Variants in TOP1MT observed in about 807,000 individuals in gnomAD.
TOP1MT encodes the protein DNA topoisomerase I, mitochondrial.
Under a neutral mutation model 73.9 loss-of-function variants are expected in TOP1MT, and 80 were observed. That is an observed-to-expected ratio of 1.08 (90% CI 0.90 to 1.30). The LOEUF is 1.30. TOP1MT is among the 50% of genes most tolerant of loss of function. The probability of loss-of-function intolerance (pLI) is 0.00; values close to 1 mark genes in which losing one functional copy is unlikely to be tolerated. For missense variants in TOP1MT, 815 were observed against 808.0 expected (o/e 1.01, Z -0.10); for synonymous variants, 338 against 326.4 (o/e 1.04, Z -0.38).
At chr8:143,358,071 C>A (rs112567737), upstream of TOP1MT, among the ~76,000 whole-genome samples, 7 of 152,224 alleles carry the variant, frequency 4.6e-5, no homozygotes, top group African/African-American at 1.7e-4. Flanking sequence ...GGTGACACAG[C>A]AAGACTCTGT....
At chr8:143,334,942 C>T, upstream of TOP1MT, 1 of 1,227,152 alleles carries the variant, frequency 8.1e-7, no homozygotes. Context: ...GCCAGCCCCG[C>T]CCCCGAGCGC....
chr8:143,324,141 C>A lies in TOP1MT; in HGVS notation c.818G>T (p.Gly273Val), dbSNP rs988812844. 6.2e-7 allele frequency: 1 copy of A among 1,613,050 alleles called. No individual in the cohort carries two copies. Residue 273 changes from glycine (G) to valine (V), a missense_variant and splice_region_variant, in exon 7 of 14, where the codon GGG (glycine) becomes GTG (valine). Coordinates refer to ENST00000329245, the MANE Select transcript of TOP1MT (RefSeq NM_052963.3). ...IMLNPCSKLK[G>V]ETAWQKFETA... ...TTCAAACTTCTGCCAAGCTGTCTCC[C>A]CCTAAACGAAGAAAATAACAGGAAA...
At chr8:143,334,556 G>T (rs576170111) in intron 1 of TOP1MT, among the ~76,000 whole-genome samples, 184 bp downstream of exon 1, 1 of 152,372 alleles carries the variant, frequency 6.6e-6, no homozygotes, top group Admixed American at 6.5e-5. Flanking sequence ...CGTCATGGGG[G>T]GGCCTGTACA....
rs1212964736 is a variant in TOP1MT, at chr8:143,342,772, T to C, written c.29+448A>G. Among the ~76,000 whole-genome samples the C allele has an allele frequency of 1.6e-3, 81 of 49,864 alleles. 9 individuals carry two copies. The highest frequency in any genetic ancestry group is 3.4e-3 in the Non-Finnish European group (59 of 17,488). The allele number at this position is 49,864 out of a possible 152,430, so 32.7% of individuals were successfully genotyped here. On this transcript the variant is annotated intron_variant, in intron 2 of 5. Coordinates refer to the TOP1MT transcript ENST00000518007. The stretch of plus-strand genomic sequence containing the variant: ...GTTATTATTATTAGAGACAGAGTCT[T>C]GCTCTATTATTATTATTATTATTAT...
chr8:143,346,953 CTTTATTTATTTA>C (rs61391831), upstream of TOP1MT, among the ~76,000 whole-genome samples: 615 of 140,924 alleles, frequency 4.4e-3, 3 homozygotes, highest in Admixed American at 8.4e-3. Context: ...AGCCTCACTT[CTTTATTTATTTA>C]TTTATTTATT....
chr8:143,325,621 CTCTG>C (rs1816686809), intron 4 of TOP1MT, 88 bp from the exon 5 acceptor site: 4 of 1,256,228 alleles, frequency 3.2e-6, no homozygotes. Context: ...GACCACCCTG[CTCTG>C]TCTGGCTAAC....
chr8:143,325,121 A>C (rs548112404), intron 5 of TOP1MT, among the ~76,000 whole-genome samples: 147 of 152,326 alleles, frequency 9.7e-4, no homozygotes, highest in African/African-American at 3.5e-3. Flanking sequence ...TGGCGGGAGA[A>C]AGTCTCAGCC....
Position 143,317,804 on chromosome 8 carries a change from T to C in TOP1MT, c.1249A>G (p.Met417Val). Residue 417 changes from methionine to valine, a missense_variant, in exon 10 of 14, where the codon ATG becomes GTG. Physicochemically the swap from Met to Val is conservative, Grantham distance 21. Coordinates refer to ENST00000329245, the MANE Select transcript of TOP1MT (RefSeq NM_052963.3). ...TSLNKHLQEL[M>V]DGLTAKVFRT... ...AACACCTTGGCCGTCAGCCCGTCCATCAGCTCCTGGAGGTGCTTGTTCAGG... is the reference window on the plus strand; with the variant it reads ...AACACCTTGGCCGTCAGCCCGTCCACCAGCTCCTGGAGGTGCTTGTTCAGG... The C allele has an allele frequency of 6.2e-7, 1 of 1,614,162 alleles. No homozygotes were observed. Among genetic ancestry groups the C allele is most frequent in the East Asian group, 2.2e-5 (1 of 44,876 alleles).
chr8:143,353,963 C>CAA (rs1186472770), intron 1 of TOP1MT, among the ~76,000 whole-genome samples: 857 of 47,574 alleles, frequency 0.018, 190 homozygotes, highest in African/African-American at 0.024. Flanking sequence ...GACTCCATCC[C>CAA]AAAAAAAAAA....
chr8:143,319,495 G>A (rs899829360), intron 8 of TOP1MT, among the ~76,000 whole-genome samples: 10 of 152,064 alleles, frequency 6.6e-5, no homozygotes, highest in East Asian at 1.9e-4. Context: ...CAGGGAGTTC[G>A]TGCGTGGATC....
intron 7 of TOP1MT, among the ~76,000 whole-genome samples, chr8:143,322,430 ACAC>A (rs1816470524): frequency 1.0e-5 from 1 of 99,666 alleles, no homozygotes; most frequent in Non-Finnish European, 1.8e-5. Flanking sequence ...ACACACATGC[ACAC>A]CACACGCACG....
intron 2 of TOP1MT, among the ~76,000 whole-genome samples, chr8:143,330,382 G>A (rs917276772): frequency 9.9e-5 from 15 of 152,236 alleles, no homozygotes; most frequent in African/African-American, 3.6e-4. Flanking sequence ...CACAGCGCGA[G>A]ACGCTCAGTA....
chr8:143,343,392 T>C, intron 1 of TOP1MT: 1 of 393,924 alleles, frequency 2.5e-6, no homozygotes, highest in Admixed American at 3.1e-5. Flanking sequence ...CCCAAGCTCT[T>C]CATGACCCTT....
Position 143,310,752 on chromosome 8 carries a change from C to T in TOP1MT, c.1554-535G>A, listed in dbSNP as rs371433715. 9.8e-5 allele frequency among the ~76,000 whole-genome samples: 15 copies of T among 152,326 alleles called. No individual in the cohort carries two copies. The East Asian group carries it at 1.4e-3, about 14-fold the overall frequency. Reference sequence around the variant, plus strand: ...GAATGTGCGTGGAAAGACAAACTTGCGCCTGCAAAAATACGGCTGAGAATG... The same window carrying T: ...GAATGTGCGTGGAAAGACAAACTTGTGCCTGCAAAAATACGGCTGAGAATG... On this transcript the variant is annotated intron_variant, in intron 12 of 13. Coordinates refer to ENST00000329245, the MANE Select transcript of TOP1MT (RefSeq NM_052963.3).
At chr8:143,331,080 C>T (rs987571763) in intron 2 of TOP1MT, 144 bp downstream of exon 2, 13 of 592,570 alleles carry the variant, frequency 2.2e-5, no homozygotes, top group South Asian at 1.0e-4. Context: ...GCAGCCCCCA[C>T]GCATCACCTG....
intron 13 of TOP1MT, chr8:143,309,822 C>T (rs1197956507): frequency 6.5e-7 from 1 of 1,533,870 alleles, no homozygotes; most frequent in Non-Finnish European, 8.7e-7. Flanking sequence ...CTCCACAGGC[C>T]CTCCTGATGC....
In TOP1MT at chr8:143,344,396, T is replaced by TC. The variant is rs1817183728; in HGVS notation, c.-39+519dup. On this transcript the variant is annotated intron_variant, in intron 1 of 5. Transcript: ENST00000518007. This position sits in a 1 kb window ranked among gnomAD's most constrained non-coding sequence, Gnocchi z 4.6. ...ACCAGAGGGACAGGCTAGGAAGCAC[T>TC]CAGTAGCAGTGGCAGGAGCTCAGGA... 6.6e-6 allele frequency: 1 copy of TC among 152,070 alleles called. No homozygotes were observed. The highest frequency in any genetic ancestry group is 1.5e-5 in the Non-Finnish European group (1 of 68,092). 9.4% of individuals were successfully genotyped at this position (152,070 alleles called of 1,614,324 possible). A position where few individuals can be genotyped will look rare whatever the true frequency, so the allele number is the denominator to read the frequency against.
In TOP1MT at chr8:143,325,503, G is replaced by T. The variant is rs376583579; in HGVS notation, c.514C>A (p.Gln172Lys). Reference protein sequence around the residue: ...KLKEEAEKLQQEFGYCILDGH... With the variant: ...KLKEEAEKLQKEFGYCILDGH... ...TCTAAAATACAGTAGCCGAACTCTT[G>T]CTGAAGTTTTTCTGCCTCTTCTTTT... is the stretch of plus-strand genomic sequence containing the variant. The change falls in exon 5 of 14, where the codon CAA becomes AAA. Residue 172 changes from glutamine to lysine, a missense_variant. Physicochemically the swap from Gln to Lys is moderately conservative, Grantham distance 53. Transcript: ENST00000329245. 6.2e-7 allele frequency: 1 copy of T among 1,610,310 alleles called. No individual in the cohort carries two copies. The highest frequency in any genetic ancestry group is 8.5e-7 in the Non-Finnish European group (1 of 1,176,950).
chr8:143,353,963 C>CAAAAAAAAAAAA (rs1186472770), intron 1 of TOP1MT, among the ~76,000 whole-genome samples: 2 of 47,626 alleles, frequency 4.2e-5, no homozygotes, highest in African/African-American at 2.1e-4. Context: ...GACTCCATCC[C>CAAAAAAAAAAAA]AAAAAAAAAA....
Sources: gnomAD v4.1 joint callset for allele counts (sites outside exome capture counted in the v4.1 genomes callset) on GRCh38, gnomAD v4.1.1 for gene constraint, Gnocchi (gnomAD v3.1) non-coding constraint, MANE v1.5 for transcripts, NCBI Gene and HGNC (gene_info 2026-07-23, HGNC 2026-07-21) for gene names.